Variants in STPG2 observed in about 807,000 individuals in gnomAD.
STPG2 encodes sperm tail PG-rich repeat containing 2.
Under a neutral mutation model 54.2 loss-of-function variants are expected in STPG2, and 56 were observed. The ratio of observed to expected loss-of-function variants is 1.03; its 90% CI spans 0.83 to 1.29. The LOEUF is 1.29. STPG2 is among the 50% of genes most tolerant of loss of function. STPG2 has a pLI of 0.00. For missense variants in STPG2, 596 were observed against 544.9 expected (o/e 1.09, Z -0.93); for synonymous variants, 200 against 181.8 (o/e 1.10, Z -0.81).
rs557367980 is a variant in STPG2, at chr4:97,796,392, G to A, written c.1204+44381C>T. On this transcript the variant is annotated intron_variant, in intron 9 of 10. Transcript: ENST00000295268. ...TAATTTTTTTATAAGGTGTAAGGAA[G>A]GGATCCAGTTTCAGCTTTCTACATA... Among the ~76,000 whole-genome samples the A allele has an allele frequency of 4.6e-5, 7 of 152,300 alleles. No homozygotes were observed. In the South Asian group the frequency reaches 1.5e-3, roughly 32 times the overall value.
Position 97,679,577 on chromosome 4 carries a change from G to T in STPG2, c.1320+33122C>A, listed in dbSNP as rs1722962723. ...AAAATTTTCTCCCATTTTGTAGGTT[G>T]CCTGTTCACTCTGATGGTAGTTTCT... On this transcript the variant is annotated intron_variant, in intron 10 of 10. Coordinates refer to ENST00000295268, the MANE Select transcript of STPG2 (RefSeq NM_174952.3). 2.0e-5 allele frequency among the ~76,000 whole-genome samples: 3 copies of T among 151,800 alleles called. No individual in the cohort carries two copies. The South Asian group carries it at 6.2e-4, about 32-fold the overall frequency.
At chr4:97,853,026 G>C (rs1406437526) in intron 8 of STPG2, among the ~76,000 whole-genome samples, 4 of 119,786 alleles carry the variant, frequency 3.3e-5, no homozygotes, top group Admixed American at 1.1e-4. Context: ...ACCCAGGCTA[G>C]AGTGCAGTGG....
At chr4:97,953,345 C>A (rs1733544989) in intron 7 of STPG2, among the ~76,000 whole-genome samples, 2 of 152,186 alleles carry the variant, frequency 1.3e-5, no homozygotes, top group East Asian at 3.9e-4. Context: ...CAACAGCTGT[C>A]TAAGTTCTAG....
At chr4:97,910,711 T>A (rs1731645959) in intron 8 of STPG2, among the ~76,000 whole-genome samples, 1 of 151,942 alleles carries the variant, frequency 6.6e-6, no homozygotes, top group Admixed American at 6.6e-5. Flanking sequence ...AAATTTCAAC[T>A]AAAATGAGAA....
chr4:97,955,675 T>C (rs1208840500), intron 7 of STPG2, among the ~76,000 whole-genome samples: 1 of 152,202 alleles, frequency 6.6e-6, no homozygotes, highest in South Asian at 2.1e-4. Flanking sequence ...AACCCACAGA[T>C]TCAAAGGTTC....
At chr4:97,796,656 T>C (rs1727193241) in intron 9 of STPG2, among the ~76,000 whole-genome samples, 1 of 152,220 alleles carries the variant, frequency 6.6e-6, no homozygotes. Context: ...CTTTGTTCTT[T>C]TGGCTTAGGA....
intron 8 of STPG2, among the ~76,000 whole-genome samples, chr4:97,897,822 T>C (rs191027600): frequency 6.6e-6 from 1 of 152,206 alleles, no homozygotes; most frequent in African/African-American, 2.4e-5. Context: ...GTCAGGTGCA[T>C]AGTTTACAAA....
At chr4:98,061,076 ATTAAAC>A (rs1158797228) in intron 5 of STPG2, among the ~76,000 whole-genome samples, 10 of 152,232 alleles carry the variant, frequency 6.6e-5, no homozygotes, top group Non-Finnish European at 1.2e-4. Context: ...GTGGGATCTA[ATTAAAC>A]TTAAGAGCTT....
At chr4:98,142,975 C>T in intron 1 of STPG2, 67 bp downstream of exon 1, 1 of 1,374,644 alleles carries the variant, frequency 7.3e-7, no homozygotes, top group Non-Finnish European at 1.0e-6. Context: ...CTCACAAGCA[C>T]GCAGAAGCGG....
intron 10 of STPG2, among the ~76,000 whole-genome samples, chr4:97,700,114 T>C (rs529941778): frequency 2.0e-5 from 3 of 152,316 alleles, no homozygotes; most frequent in South Asian, 4.1e-4. Flanking sequence ...TATCCACAGA[T>C]GGCAGGGCCT....
At chr4:97,494,798 A>G (rs1411416298) in intron 4 of STPG2, among the ~76,000 whole-genome samples, 2 of 151,562 alleles carry the variant, frequency 1.3e-5, no homozygotes. Flanking sequence ...GGCTACAACA[A>G]TATCTTTCAT....
chr4:97,690,470 G>A (rs1723330014), intron 10 of STPG2, among the ~76,000 whole-genome samples: 1 of 151,656 alleles, frequency 6.6e-6, no homozygotes, highest in Non-Finnish European at 1.5e-5. Flanking sequence ...TAGGCAATAG[G>A]TCCTATGTAT....
intron 9 of STPG2, among the ~76,000 whole-genome samples, chr4:97,772,623 T>C (rs1302523001): frequency 6.6e-6 from 1 of 152,154 alleles, no homozygotes; most frequent in East Asian, 1.9e-4. Context: ...AAATAACCTC[T>C]CAGTATATAT....
intron 5 of STPG2, among the ~76,000 whole-genome samples, chr4:98,000,273 G>A (rs1222812012): frequency 6.6e-6 from 1 of 151,808 alleles, no homozygotes; most frequent in Non-Finnish European, 1.5e-5. Context: ...CTTATAATAA[G>A]GAAAAACAAA....
intron 10 of STPG2, among the ~76,000 whole-genome samples, chr4:97,614,431 A>G (rs1324514382): frequency 6.6e-6 from 1 of 152,102 alleles, no homozygotes; most frequent in Non-Finnish European, 1.5e-5. Context: ...CATGGTAGAG[A>G]AGACTCTCTG....
intron 10 of STPG2, among the ~76,000 whole-genome samples, chr4:97,670,002 T>G (rs1722648812): frequency 6.6e-6 from 1 of 151,812 alleles, no homozygotes; most frequent in Admixed American, 6.6e-5. Flanking sequence ...AAAAGCACAT[T>G]TTTTTATTAT....
intron 4 of STPG2, among the ~76,000 whole-genome samples, chr4:97,539,339 T>G (rs983263761): frequency 2.6e-5 from 4 of 151,960 alleles, no homozygotes; most frequent in Non-Finnish European, 2.9e-5. Flanking sequence ...AAGAAAGGGA[T>G]GGAGGAAGAT....
chr4:97,466,511 G>A (rs1225312151), intron 4 of STPG2, among the ~76,000 whole-genome samples: 1 of 151,944 alleles, frequency 6.6e-6, no homozygotes, highest in East Asian at 1.9e-4. Context: ...TTGGGACGTA[G>A]CAACTCATCA....
chr4:97,933,293 T>A (rs772207597), intron 8 of STPG2, among the ~76,000 whole-genome samples: 1 of 152,154 alleles, frequency 6.6e-6, no homozygotes, highest in Non-Finnish European at 1.5e-5. Flanking sequence ...ATCAAAAAAA[T>A]TTTCTCCCAC....
Sources: gnomAD v4.1 joint callset for allele counts (sites outside exome capture counted in the v4.1 genomes callset) on GRCh38, gnomAD v4.1.1 for gene constraint, MANE v1.5 for transcripts, NCBI Gene and HGNC (gene_info 2026-07-23, HGNC 2026-07-21) for gene names.